Variants in WDR62 observed in about 807,000 individuals in gnomAD.
WDR62 encodes the protein WD repeat domain 62, also known as WD repeat-containing protein 62.
WDR62 carries 112 observed loss-of-function variants against 160.6 expected under a neutral mutation model. The observed-to-expected ratio is 0.70, with a 90% CI of 0.60 to 0.82. WDR62 has a LOEUF of 0.82. Among genes scored for constraint, WDR62 ranks in the 40% least tolerant of loss-of-function variants. The pLI is 0.00. For synonymous variants in WDR62, 792 were observed against 815.1 expected (o/e 0.97, Z 0.48); for missense variants, 1,819 against 1,983.8 (o/e 0.92, Z 1.58).
chr19:36,102,945 C>T lies in WDR62; in HGVS notation c.3336-3C>T. On this transcript the variant is annotated splice_region_variant and splice_polypyrimidine_tract_variant and intron_variant, in intron 27 of 31. Coordinates refer to ENST00000401500, the MANE Select transcript of WDR62 (RefSeq NM_001083961.2). ...ATCATCCCCCCTGCTCTCCTCCCCA[C>T]AGGTTCACCCATACCTTCCCTCCCC... 6.2e-7 allele frequency: 1 copy of T among 1,614,170 alleles called. No individual in the cohort carries two copies. The highest frequency in any genetic ancestry group is 8.5e-7 in the Non-Finnish European group (1 of 1,180,046).
chr19:36,103,580 G>A lies in WDR62; in HGVS notation c.3752G>A (p.Arg1251Lys). The A allele has an allele frequency of 1.2e-6, 2 of 1,613,664 alleles. No homozygotes were observed. The highest frequency in any genetic ancestry group is 1.7e-6 in the Non-Finnish European group (2 of 1,180,022). Residue 1251 changes from arginine to lysine, a missense_variant, in exon 30 of 32, where the codon AGG (arginine) becomes AAG (lysine). Around this residue, in one of 3 missense-constraint regions of WDR62, gnomAD observed 770 missense variants for 734.2 expected, o/e 1.05. Transcript: ENST00000401500. ...GCCACACTGGCCCAGCCCCTCCGTAGGCCATCGTCCGTTGGGGAGCTGGCC... is the reference window on the plus strand; with the variant it reads ...GCCACACTGGCCCAGCCCCTCCGTAAGCCATCGTCCGTTGGGGAGCTGGCC... Reference protein sequence around the residue: ...IVATLAQPLRRPSSVGELASL... With the variant: ...IVATLAQPLRKPSSVGELASL...
Position 36,083,717 on chromosome 19 carries a change from G to A in WDR62, c.1550+476G>A, listed in dbSNP as rs117519809. ...AGTGGGACATAGGCCCTGTTGCTGG[G>A]ACCAGGTTTAAGATGACAAATGACA... On this transcript the variant is annotated intron_variant, in intron 11 of 31. Transcript: ENST00000401500. 5.1e-4 allele frequency among the ~76,000 whole-genome samples: 78 copies of A among 152,214 alleles called. 2 individuals carry two copies. The East Asian group carries it at 0.014, about 28-fold the overall frequency.
At chr19:36,101,112 G>A in intron 23 of WDR62, 102 bp from the exon 24 acceptor site, 1 of 1,246,028 alleles carries the variant, frequency 8.0e-7, no homozygotes. Flanking sequence ...CAGTGCTCCT[G>A]CAGGAGCAGC....
chr19:36,071,655 C>T lies in WDR62; in HGVS notation c.982C>T (p.Leu328Phe), dbSNP rs1254310690. ...RIFQAHSLHY[L>F]ANLPKPHYLG... ...CTTCCAGGCCCATAGCCTGCACTAC[C>T]TCGCCAACCTGCCCAAGCCACACTA... The change falls in exon 8 of 32, where the codon CTC becomes TTC. Residue 328 changes from leucine (L) to phenylalanine (F), a missense_variant. This residue lies in a region of WDR62 where 934 missense variants were observed against 1,157.2 expected (regional missense o/e 0.81). Transcript: ENST00000401500. The T allele has an allele frequency of 6.2e-7, 1 of 1,614,130 alleles. No homozygotes were observed. The highest frequency in any genetic ancestry group is 8.5e-7 in the Non-Finnish European group (1 of 1,180,060).
In WDR62 at chr19:36,067,588, T is replaced by TACTC. The variant is rs1203294171; in HGVS notation, c.699+146_699+149dup. ...GGGGCCCAGCTGCTGCTTCTGGGCCTACTCTCAGGGTGCTGATGCACAGGC... is the reference window on the plus strand; with the variant it reads ...GGGGCCCAGCTGCTGCTTCTGGGCCTACTCACTCTCAGGGTGCTGATGCACAGGC... On this transcript the variant is annotated intron_variant, in intron 6 of 31. Coordinates refer to ENST00000401500, the MANE Select transcript of WDR62 (RefSeq NM_001083961.2). 4 of 1,286,834 alleles carry TACTC rather than the reference T, an allele frequency of 3.1e-6. No individual in the cohort carries two copies. The African/African-American group carries it at 4.4e-5, about 14-fold the overall frequency. 79.7% of individuals were successfully genotyped at this position (1,286,834 alleles called of 1,614,324 possible).
chr19:36,081,690 C>T (rs1173681783), intron 10 of WDR62, 120 bp downstream of exon 10: 2 of 1,392,198 alleles, frequency 1.4e-6, no homozygotes, highest in Admixed American at 3.5e-5. Flanking sequence ...AGGGCAAGAG[C>T]CGGCAACCAA....
At chr19:36,090,005 CAGACAGTGACAG>C (rs1488377063) in intron 15 of WDR62, among the ~76,000 whole-genome samples, 1 of 152,226 alleles carries the variant, frequency 6.6e-6, no homozygotes, top group Non-Finnish European at 1.5e-5. Context: ...CTCACAGCCA[CAGACAGTGACAG>C]AGTGGTCAGA....
rs1211956810 is a variant in WDR62 at position 36,058,870 on chromosome 19, G to A, written c.268G>A (p.Gly90Ser). The change falls in exon 2 of 32, where the codon GGC (glycine) becomes AGC (serine). Residue 90 changes from glycine (G) to serine (S), a missense_variant and splice_region_variant. Coordinates refer to ENST00000401500, the MANE Select transcript of WDR62 (RefSeq NM_001083961.2). ...PGTGHVAYLA[G>S]CVVVILDPKE... ...CACAGGCCATGTGGCCTACCTGGCAGGGTAAGCAGATAAGGGCCTCGACGT... is the reference window on the plus strand; with the variant it reads ...CACAGGCCATGTGGCCTACCTGGCAAGGTAAGCAGATAAGGGCCTCGACGT... 6.2e-7 allele frequency: 1 copy of A among 1,613,640 alleles called. No homozygotes were observed. Among genetic ancestry groups the A allele is most frequent in the Non-Finnish European group, 8.5e-7 (1 of 1,179,550 alleles).
rs771454761 is a variant in WDR62 at position 36,103,590 on chromosome 19, C to T, written c.3762C>T (p.Ser1254=). 10 of 1,613,512 alleles carry T rather than the reference C, an allele frequency of 6.2e-6. No individual in the cohort carries two copies. Among genetic ancestry groups the T allele is most frequent in the Admixed American group, 5.0e-5 (3 of 60,034 alleles). The change falls in exon 30 of 32, where the codon TCC becomes TCT. Residue 1254 remains serine, a synonymous_variant. Transcript: ENST00000401500. The part of the protein sequence containing the change: ...TLAQPLRRPS[S]VGELASLGQE... ...CCCAGCCCCTCCGTAGGCCATCGTC[C>T]GTTGGGGAGCTGGCCTCCTTGGGCC...
chr19:36,094,209 C>A, intron 20 of WDR62, 45 bp downstream of exon 20: 1 of 1,611,602 alleles, frequency 6.2e-7, no homozygotes, highest in South Asian at 1.1e-5. Context: ...TGTAGGGAAT[C>A]ATTGCTGGGT....
chr19:36,055,799 G>C (rs1174065698), intron 1 of WDR62, among the ~76,000 whole-genome samples: 1 of 152,178 alleles, frequency 6.6e-6, no homozygotes, highest in Non-Finnish European at 1.5e-5. Context: ...AATTCCATTA[G>C]CACAGCGGCA....
intron 5 of WDR62, 145 bp downstream of exon 5, chr19:36,066,572 G>C: frequency 1.1e-6 from 1 of 891,558 alleles, no homozygotes; most frequent in Non-Finnish European, 1.8e-6. Context: ...GTGACATGCT[G>C]ATCCCTTATT....
At chr19:36,110,189 G>A in the WDR62 span, among the ~76,000 whole-genome samples, 2 of 151,688 alleles carry the variant, frequency 1.3e-5, no homozygotes, top group Non-Finnish European at 1.5e-5. Context: ...ACCCCCTTTG[G>A]GCCAGGTGCG....
intron 9 of WDR62, chr19:36,075,297 G>C (rs532272983): frequency 2.0e-5 from 3 of 152,386 alleles, no homozygotes. Flanking sequence ...GCCTCCCAAA[G>C]TGCTGGGATT....
intron 1 of WDR62, 60 bp downstream of exon 1, chr19:36,055,208 C>T (rs1299071832): frequency 2.6e-6 from 4 of 1,542,924 alleles, no homozygotes; most frequent in Non-Finnish European, 3.5e-6. Context: ...CCCCTAGTCC[C>T]GTCCTGAGAA....
downstream of WDR62, among the ~76,000 whole-genome samples, chr19:36,108,049 C>A (rs759584281): frequency 1.3e-5 from 2 of 152,000 alleles, no homozygotes; most frequent in Non-Finnish European, 2.9e-5. Flanking sequence ...TGTTACCACC[C>A]CCAGGCCACA....
At position 36,086,835 on chromosome 19, in the gene WDR62, C is replaced by A. The variant is rs377066521; in HGVS notation, c.1768+23C>A. ...CTGGTGAGCCCCTTTCTTCCCGCTC[C>A]CTGCGCCTTGCTAGCTACCCTGCTA... On this transcript the variant is annotated intron_variant, in intron 13 of 31. Coordinates refer to ENST00000401500, the MANE Select transcript of WDR62 (RefSeq NM_001083961.2). 186 of 1,605,812 alleles carry A rather than the reference C, an allele frequency of 1.2e-4. No homozygotes were observed. The highest frequency in any genetic ancestry group is 1.5e-4 in the Non-Finnish European group (176 of 1,175,496).
intron 16 of WDR62, 79 bp downstream of exon 16, chr19:36,090,599 C>T: frequency 7.3e-7 from 1 of 1,365,192 alleles, no homozygotes; most frequent in Non-Finnish European, 1.0e-6. Flanking sequence ...AGACCTGTGC[C>T]CTTGGTCCTT....
intron 3 of WDR62, 41 bp from the exon 4 acceptor site, chr19:36,065,917 C>G: frequency 6.2e-7 from 1 of 1,606,640 alleles, no homozygotes; most frequent in South Asian, 1.1e-5. Flanking sequence ...GGCTGGCCAC[C>G]CTCAGCGGAA....
Sources: allele counts gnomAD v4.1 joint callset (sites outside exome capture counted in the v4.1 genomes callset), GRCh38; gene constraint gnomAD v4.1.1; regional missense constraint gnomAD v4.1.1; transcripts MANE v1.5; gene names NCBI Gene and HGNC (gene_info 2026-07-23, HGNC 2026-07-21).